Variants in RALYL observed in about 807,000 individuals in gnomAD.
RALYL encodes RNA-binding Raly-like protein.
RALYL carries 29 observed loss-of-function variants against 35.1 expected under a neutral mutation model. The observed-to-expected ratio is 0.83, with a 90% CI of 0.61 to 1.13. The LOEUF (loss-of-function observed/expected upper bound fraction) is 1.13, where lower values mean the gene tolerates loss of function less well. RALYL is among the 50% of genes most tolerant of loss of function. The pLI, the probability that RALYL is intolerant of heterozygous loss-of-function variation, is 0.00. For synonymous variants in RALYL, 120 were observed against 127.6 expected (o/e 0.94, Z 0.40); for missense variants, 359 against 360.4 (o/e 1.00, Z 0.03).
intron 1 of RALYL, among the ~76,000 whole-genome samples, chr8:84,363,844 A>C (rs1356465116): frequency 4.6e-5 from 7 of 152,208 alleles, no homozygotes; most frequent in Admixed American, 4.6e-4. Flanking sequence ...CTGCTGCTGA[A>C]GAATCATAGC....
chr8:84,321,551 C>T (rs1312649190), intron 1 of RALYL, among the ~76,000 whole-genome samples: 1 of 152,114 alleles, frequency 6.6e-6, no homozygotes, highest in Non-Finnish European at 1.5e-5. Context: ...ATAGGTTTTA[C>T]ATCCTGTGGA....
intron 2 of RALYL, among the ~76,000 whole-genome samples, chr8:84,530,409 A>C (rs913068724): frequency 2.0e-5 from 3 of 152,018 alleles, no homozygotes; most frequent in Admixed American, 1.3e-4. Flanking sequence ...AACAAAACCC[A>C]TGATTTTCCA....
At chr8:84,752,295 G>A (rs1005374108) in intron 2 of RALYL, among the ~76,000 whole-genome samples, 9 of 152,202 alleles carry the variant, frequency 5.9e-5, no homozygotes, top group African/African-American at 1.9e-4. Context: ...AAGCCACAAA[G>A]CATTCACAGT....
chr8:84,848,927 T>G (rs1835241843), intron 4 of RALYL, among the ~76,000 whole-genome samples: 1 of 152,188 alleles, frequency 6.6e-6, no homozygotes, highest in Admixed American at 6.5e-5. Flanking sequence ...TGTTGCGAGA[T>G]GTTGTCAAAA....
intron 2 of RALYL, among the ~76,000 whole-genome samples, chr8:84,680,820 A>C (rs1163168746): frequency 6.6e-6 from 1 of 151,884 alleles, no homozygotes; most frequent in Non-Finnish European, 1.5e-5. Flanking sequence ...CTCTGTTGGT[A>C]GTTTCTTTTG....
chr8:84,785,502 C>T, intron 3 of RALYL, among the ~76,000 whole-genome samples: 1 of 152,202 alleles, frequency 6.6e-6, no homozygotes, highest in East Asian at 1.9e-4. Context: ...TAAAGTCAGA[C>T]ATACATGCTT....
At chr8:84,873,991 T>C (rs1482699856) in intron 7 of RALYL, among the ~76,000 whole-genome samples, 2 of 152,210 alleles carry the variant, frequency 1.3e-5, no homozygotes, top group African/African-American at 4.8e-5. Context: ...ACCAGTCTAA[T>C]GCTCTTTTCA....
At chr8:84,800,304 G>A (rs1586364275) in intron 3 of RALYL, among the ~76,000 whole-genome samples, 1 of 152,130 alleles carries the variant, frequency 6.6e-6, no homozygotes, top group Non-Finnish European at 1.5e-5. Flanking sequence ...TTTGGACAAG[G>A]TACTTCATAT....
chr8:84,651,405 G>T (rs1828794877), intron 2 of RALYL, among the ~76,000 whole-genome samples: 3 of 151,754 alleles, frequency 2.0e-5, no homozygotes. Flanking sequence ...GGCACAAGCA[G>T]TGAAGATAAA....
At chr8:84,653,050 G>C (rs1387696741) in intron 2 of RALYL, among the ~76,000 whole-genome samples, 2 of 152,024 alleles carry the variant, frequency 1.3e-5, no homozygotes, top group Non-Finnish European at 2.9e-5. Flanking sequence ...ATACCAGTTA[G>C]TCCAATGCTA....
chr8:84,417,887 C>T (rs893453825), intron 1 of RALYL, among the ~76,000 whole-genome samples: 1 of 152,128 alleles, frequency 6.6e-6, no homozygotes, highest in Admixed American at 6.6e-5. Flanking sequence ...CTCAAGGCTT[C>T]AGCTTTCGGA....
intron 2 of RALYL, among the ~76,000 whole-genome samples, chr8:84,539,828 GTATACA>G (rs1420007798): frequency 0.046 from 214 of 4,684 alleles, 2 homozygotes; most frequent in East Asian, 0.074. Flanking sequence ...AAGTGATCAA[GTATACA>G]TATATATATA....
At chr8:84,800,671 A>G (rs1023003849) in intron 3 of RALYL, among the ~76,000 whole-genome samples, 2 of 152,204 alleles carry the variant, frequency 1.3e-5, no homozygotes, top group African/African-American at 4.8e-5. Flanking sequence ...TTCATGAAAC[A>G]ATTACCTTGT....
intron 1 of RALYL, among the ~76,000 whole-genome samples, chr8:84,366,460 T>A (rs538398058): frequency 1.3e-5 from 2 of 152,118 alleles, no homozygotes; most frequent in East Asian, 1.9e-4. Flanking sequence ...AAATGAAATA[T>A]CAGAGATGGA....
intron 1 of RALYL, among the ~76,000 whole-genome samples, chr8:84,437,953 A>G (rs2047921124): frequency 6.6e-6 from 1 of 152,108 alleles, no homozygotes; most frequent in Admixed American, 6.5e-5. Flanking sequence ...TTCATTATCA[A>G]TTACCTTGTC....
At chr8:84,224,805 T>G (rs1823437175) in intron 1 of RALYL, among the ~76,000 whole-genome samples, 1 of 151,982 alleles carries the variant, frequency 6.6e-6, no homozygotes, top group African/African-American at 2.4e-5. Flanking sequence ...TACAGGCGTG[T>G]GCCACCAACC....
chr8:84,212,551 A>G (rs181769841), intron 1 of RALYL, among the ~76,000 whole-genome samples: 1 of 152,280 alleles, frequency 6.6e-6, no homozygotes, highest in Non-Finnish European at 1.5e-5. Context: ...CAAAGCACAA[A>G]GGTTATTGCT....
chr8:84,867,968 G>C (rs1839482176), intron 6 of RALYL, among the ~76,000 whole-genome samples: 1 of 152,112 alleles, frequency 6.6e-6, no homozygotes, highest in Non-Finnish European at 1.5e-5. Context: ...TTCAATATCA[G>C]GTGACAGAAC....
chr8:84,287,361 TACA>T (rs1837843350), intron 1 of RALYL, among the ~76,000 whole-genome samples: 1 of 1,178 alleles, frequency 8.5e-4, no homozygotes, highest in African/African-American at 6.4e-3. Flanking sequence ...CACAAAAAGT[TACA>T]GTTGGGCTAG....
Sources: gnomAD v4.1 joint callset for allele counts (sites outside exome capture counted in the v4.1 genomes callset) on GRCh38, gnomAD v4.1.1 for gene constraint, MANE v1.5 for transcripts, NCBI Gene and HGNC (gene_info 2026-07-23, HGNC 2026-07-21) for gene names.